Variants in EDARADD observed in about 807,000 individuals in gnomAD.
EDARADD encodes ectodysplasin-A receptor-associated adapter protein.
EDARADD carries 20 observed loss-of-function variants against 25.6 expected under a neutral mutation model. That is an observed-to-expected ratio of 0.78 (90% CI 0.55 to 1.14). The LOEUF (loss-of-function observed/expected upper bound fraction) is 1.14, where lower values mean the gene tolerates loss of function less well. Ranked by LOEUF, EDARADD falls within the 50% of genes most tolerant of loss-of-function variation. The probability of loss-of-function intolerance (pLI) is 0.00; values close to 1 mark genes in which losing one functional copy is unlikely to be tolerated. For missense variants in EDARADD, 225 were observed against 270.1 expected (o/e 0.83, Z 1.17); for synonymous variants, 86 against 94.4 (o/e 0.91, Z 0.52).
chr1:236,388,280 G>A (rs954372738), intron 3 of EDARADD, among the ~76,000 whole-genome samples: 4 of 151,758 alleles, frequency 2.6e-5, no homozygotes, highest in African/African-American at 9.7e-5. Context: ...CACTTTTCTT[G>A]TACCAATATT....
chr1:236,387,175 G>A (rs1363816739), intron 3 of EDARADD, among the ~76,000 whole-genome samples: 4 of 47,092 alleles, frequency 8.5e-5, no homozygotes, highest in Non-Finnish European at 9.2e-5. Context: ...CCGGCCAGCC[G>A]CCCCGTCCGG....
At chr1:236,388,915 A>C (rs4659659) in intron 3 of EDARADD, among the ~76,000 whole-genome samples, 116,918 of 152,116 alleles carry the variant, frequency 0.77, 46,365 homozygotes, top group East Asian at 0.92. Context: ...GAGTAGAAAG[A>C]TACTGAACGC....
intron 1 of EDARADD, among the ~76,000 whole-genome samples, chr1:236,399,981 A>G (rs1558110389): frequency 6.6e-6 from 1 of 152,196 alleles, no homozygotes. Context: ...CTCCTGTGGC[A>G]TTGGGCGCAG....
intron 1 of EDARADD, among the ~76,000 whole-genome samples, chr1:236,404,824 G>A (rs1667678239): frequency 6.6e-6 from 1 of 151,408 alleles, no homozygotes; most frequent in Admixed American, 6.6e-5. Flanking sequence ...CTGGCGCGGT[G>A]GCTCACACCT....
At chr1:236,468,607 GAA>G (rs1371877829) in intron 5 of EDARADD, among the ~76,000 whole-genome samples, 1 of 152,102 alleles carries the variant, frequency 6.6e-6, no homozygotes, top group East Asian at 1.9e-4. Flanking sequence ...ACAACAGAGC[GAA>G]ACTCCATCTC....
chr1:236,467,451 C>T (rs971407261), intron 4 of EDARADD, among the ~76,000 whole-genome samples: 8 of 149,612 alleles, frequency 5.3e-5, no homozygotes, highest in African/African-American at 1.5e-4. Flanking sequence ...CACACACACA[C>T]ACACATACAC....
intron 5 of EDARADD, among the ~76,000 whole-genome samples, chr1:236,473,635 A>T (rs1220619321): frequency 6.6e-6 from 1 of 152,096 alleles, no homozygotes; most frequent in Non-Finnish European, 1.5e-5. Context: ...AAATCAAAAA[A>T]TTAGCTGGGC....
At chr1:236,411,206 C>T (rs1243739362) in intron 2 of EDARADD, among the ~76,000 whole-genome samples, 1 of 152,128 alleles carries the variant, frequency 6.6e-6, no homozygotes, top group Admixed American at 6.5e-5. Flanking sequence ...TCCAAAGTGT[C>T]CCTCTTACTA....
At chr1:236,450,026 G>A (rs1658667776) in intron 4 of EDARADD, among the ~76,000 whole-genome samples, 1 of 151,820 alleles carries the variant, frequency 6.6e-6, no homozygotes, top group African/African-American at 2.4e-5. Context: ...CCTTGAACCC[G>A]GGAGGCGGAG....
chr1:236,384,402 T>A (rs940355069), intron 3 of EDARADD, among the ~76,000 whole-genome samples: 1 of 152,250 alleles, frequency 6.6e-6, no homozygotes, highest in African/African-American at 2.4e-5. Context: ...AGTACCTTTT[T>A]CAATTTTTTT....
chr1:236,391,914 C>T (rs1365282684), upstream of EDARADD, among the ~76,000 whole-genome samples: 3 of 152,134 alleles, frequency 2.0e-5, no homozygotes, highest in Non-Finnish European at 4.4e-5. Context: ...CCTGTCAATC[C>T]GAGATGGTCA....
chr1:236,384,550 TG>T (rs947213550), intron 3 of EDARADD, among the ~76,000 whole-genome samples: 1 of 152,110 alleles, frequency 6.6e-6, no homozygotes, highest in African/African-American at 2.4e-5. Flanking sequence ...CCACCATACT[TG>T]GCTAATTTTT....
chr1:236,370,535 CAG>C (rs1478764262), intron 3 of EDARADD, among the ~76,000 whole-genome samples: 1 of 152,160 alleles, frequency 6.6e-6, no homozygotes, highest in Non-Finnish European at 1.5e-5. Flanking sequence ...ATTTGGGGAA[CAG>C]AGTTTTTAAG....
intron 3 of EDARADD, among the ~76,000 whole-genome samples, chr1:236,374,864 C>A (rs1203580584): frequency 1.9e-5 from 2 of 105,716 alleles, no homozygotes; most frequent in African/African-American, 7.3e-5. Context: ...CTAACAATCT[C>A]TTTTAATTGG....
Position 236,358,212 on chromosome 1 carries a change from C to G in EDARADD, c.-6+7373C>G, listed in dbSNP as rs576995480. Among the ~76,000 whole-genome samples, 5 of 152,202 alleles carry G rather than the reference C, an allele frequency of 3.3e-5. 1 individual carries two copies. The highest frequency in any genetic ancestry group is 1.2e-4 in the African/African-American group (5 of 41,550). On this transcript the variant is annotated intron_variant, in intron 3 of 7. Transcript: ENST00000439430. ...TAAAATGACCAGTCTGCTTTTTGTT[C>G]TTTGTTTCTGATTTATTCAGCCCTT...
In EDARADD at chr1:236,405,881, C is replaced by CCTTCCTTCCT. The variant is rs1162389998; in HGVS notation, c.62-3335_62-3334insCTTCCTTCCT. Among the ~76,000 whole-genome samples, 11 of 34,432 alleles carry CCTTCCTTCCT rather than the reference C, an allele frequency of 3.2e-4. 1 individual carries two copies. The highest frequency in any genetic ancestry group is 9.4e-4 in the African/African-American group (10 of 10,694). 22.6% of individuals were successfully genotyped at this position (34,432 alleles called of 152,430 possible). ...TCCTTCCTTCCTTCCTTCCTTCTTTCTTTCTTTCTTTCTTTCTTTCTTTCT... is the reference window on the plus strand; with the variant it reads ...TCCTTCCTTCCTTCCTTCCTTCTTTCCTTCCTTCCTTTTCTTTCTTTCTTTCTTTCTTTCT... On this transcript the variant is annotated intron_variant, in intron 1 of 5. Transcript: ENST00000334232.
At chr1:236,470,595 G>T (rs1558136053) in intron 5 of EDARADD, among the ~76,000 whole-genome samples, 3 of 151,932 alleles carry the variant, frequency 2.0e-5, no homozygotes, top group Non-Finnish European at 4.4e-5. Context: ...CAGAGTGTGG[G>T]TTTTTTTGTT....
chr1:236,451,422 T>C (rs958439804), intron 4 of EDARADD, among the ~76,000 whole-genome samples: 3 of 152,072 alleles, frequency 2.0e-5, no homozygotes, highest in Non-Finnish European at 4.4e-5. Context: ...GCTTCCTTCC[T>C]TTCTTTTTTT....
intron 4 of EDARADD, among the ~76,000 whole-genome samples, chr1:236,452,501 C>G (rs78419210): frequency 7.0e-6 from 1 of 143,134 alleles, no homozygotes; most frequent in Non-Finnish European, 1.5e-5. Context: ...GCCGATCCCC[C>G]CTCTCTCTCT....
Sources: allele counts gnomAD v4.1 joint callset (sites outside exome capture counted in the v4.1 genomes callset), GRCh38; gene constraint gnomAD v4.1.1; transcripts MANE v1.5; gene names NCBI Gene and HGNC (gene_info 2026-07-23, HGNC 2026-07-21).